Variants in HNRNPR observed in about 807,000 individuals in gnomAD.
HNRNPR encodes the protein heterogeneous nuclear ribonucleoprotein R.
A neutral mutation model predicts 70.3 loss-of-function variants in HNRNPR; 4 were observed. The observed-to-expected ratio is 0.06, with a 90% CI of 0.03 to 0.13. The LOEUF (loss-of-function observed/expected upper bound fraction) is 0.13. HNRNPR is among the 10% of genes least tolerant of loss of function. HNRNPR has a pLI of 1.00. For missense variants in HNRNPR, 423 were observed against 788.5 expected (o/e 0.54, Z 5.55); for synonymous variants, 241 against 267.6 (o/e 0.90, Z 0.97).
intron 5 of HNRNPR, among the ~76,000 whole-genome samples, chr1:23,323,936 G>A (rs1268913077): frequency 6.6e-6 from 1 of 151,872 alleles, no homozygotes; most frequent in Non-Finnish European, 1.5e-5. Context: ...CAAGTCTCTT[G>A]AAAAATGGAA....
At position 23,310,712 on chromosome 1, in the gene HNRNPR, A is replaced by T; in HGVS notation, c.1644T>A (p.Gly548=). 6.2e-7 allele frequency: 1 copy of T among 1,608,376 alleles called. No individual in the cohort carries two copies. ...CACGGCCTCTCTGCTGTTGAGCAGG[A>T]CCCCCTCTGCCACCCCTAGAGCCTC... ...PPRGSRGGRG[G]PAQQQRGRGS... Residue 548 remains glycine, a synonymous_variant, in exon 11 of 11, where the codon GGT becomes GGA. Transcript: ENST00000302271. This position sits in a 1 kb window ranked among gnomAD's most constrained non-coding sequence, Gnocchi z 6.0.
rs915682221 is a variant in HNRNPR at position 23,338,550 on chromosome 1, A to C, written c.216T>G (p.Asn72Lys). Residue 72 changes from asparagine to lysine, a missense_variant, in exon 3 of 11, where the codon AAT becomes AAG. Asn to Lys is a moderately conservative substitution (Grantham distance 94). Coordinates refer to ENST00000302271, the MANE Select transcript of HNRNPR (RefSeq NM_005826.5). ...GTAGTACAGACAGAGCTCCTTCTTC[A>C]TTAAATTCCCTGAGAGCATCAATTG... Reference protein sequence around the residue: ...ERAIDALREFNEEGALSVLQQ... With the variant: ...ERAIDALREFKEEGALSVLQQ... 1 of 1,601,986 alleles carries C rather than the reference A, an allele frequency of 6.2e-7. No individual in the cohort carries two copies. Among genetic ancestry groups the C allele is most frequent in the Non-Finnish European group, 8.5e-7 (1 of 1,174,034 alleles).
rs1210867418 is a variant in HNRNPR at position 23,318,168 on chromosome 1, TAAA to T, written c.1017+312_1017+314del. On this transcript the variant is annotated intron_variant, in intron 8 of 10. Coordinates refer to ENST00000302271, the MANE Select transcript of HNRNPR (RefSeq NM_005826.5). The surrounding 1 kb of genome is among the most constrained non-coding windows in gnomAD (Gnocchi z 4.2). ...TACTTCTCTCTTTACTCAGGACTTT[TAAA>T]AAAAAAAAAAACCTCTATCCCTCAC... is the stretch of plus-strand genomic sequence containing the variant. 7.0e-6 allele frequency among the ~76,000 whole-genome samples: 1 copy of T among 142,334 alleles called. No individual in the cohort carries two copies. Among genetic ancestry groups the T allele is most frequent in the Middle Eastern group, 3.4e-3 (1 of 296 alleles). The allele number at this position is 142,334 out of a possible 152,430, so 93.4% of individuals were successfully genotyped here.
chr1:23,332,261 C>T (rs1004174068), intron 5 of HNRNPR, among the ~76,000 whole-genome samples: 2 of 152,168 alleles, frequency 1.3e-5, no homozygotes, highest in Non-Finnish European at 2.9e-5. Context: ...TATGGACTAA[C>T]ATACTCAATC....
intron 1 of HNRNPR, among the ~76,000 whole-genome samples, chr1:23,343,053 A>G (rs1194809925): frequency 1.3e-5 from 2 of 152,220 alleles, no homozygotes; most frequent in Non-Finnish European, 2.9e-5. Flanking sequence ...GCTCATTTTG[A>G]AAAGACTTTT....
intron 6 of HNRNPR, among the ~76,000 whole-genome samples, chr1:23,322,762 T>C (rs1331800098): frequency 6.6e-6 from 1 of 152,168 alleles, no homozygotes; most frequent in Non-Finnish European, 1.5e-5. Flanking sequence ...AAGTTGACCA[T>C]TCTACAAAGG....
chr1:23,313,672 T>C lies in HNRNPR; in HGVS notation c.1048A>G (p.Thr350Ala), dbSNP rs1159352584. 2.5e-6 allele frequency: 4 copies of C among 1,601,348 alleles called. No individual in the cohort carries two copies. Among genetic ancestry groups the C allele is most frequent in the Non-Finnish European group, 2.5e-6 (3 of 1,176,914 alleles). ...TCCAATATTTCTTCTGTCACCGTAG[T>C]AGCCAAGTTTCTCACAAACAAAACT... is the stretch of plus-strand genomic sequence containing the variant. The part of the protein sequence containing the change: ...VKVLFVRNLA[T>A]TVTEEILEKS... Residue 350 changes from threonine to alanine, a missense_variant, in exon 9 of 11, where the codon ACT becomes GCT. This residue lies in a region of HNRNPR where 46 missense variants were observed against 164.6 expected (regional missense o/e 0.28). Transcript: ENST00000302271.
At chr1:23,327,184 T>C (rs1646021665) in intron 5 of HNRNPR, among the ~76,000 whole-genome samples, 1 of 152,046 alleles carries the variant, frequency 6.6e-6, no homozygotes, top group Non-Finnish European at 1.5e-5. Flanking sequence ...CTGCTTGAAG[T>C]TGCTCCACGT....
intron 5 of HNRNPR, among the ~76,000 whole-genome samples, chr1:23,325,632 A>G (rs1486713050): frequency 6.6e-6 from 1 of 152,114 alleles, no homozygotes; most frequent in South Asian, 2.1e-4. Flanking sequence ...AGAGAAAGAG[A>G]TCTACCTCCT....
chr1:23,325,136 T>A (rs1218306946), intron 5 of HNRNPR, among the ~76,000 whole-genome samples: 1 of 150,756 alleles, frequency 6.6e-6, no homozygotes, highest in African/African-American at 2.4e-5. Flanking sequence ...GGAGACTCCA[T>A]CTCAAAAAAA....
At chr1:23,316,246 A>T (rs1645540687) in intron 8 of HNRNPR, among the ~76,000 whole-genome samples, 1 of 152,226 alleles carries the variant, frequency 6.6e-6, no homozygotes, top group Non-Finnish European at 1.5e-5. Flanking sequence ...TCAAGGCTGC[A>T]GTGTGCTATG....
At chr1:23,323,074 G>GA (rs1414344747) in intron 6 of HNRNPR, among the ~76,000 whole-genome samples, 1 of 152,122 alleles carries the variant, frequency 6.6e-6, no homozygotes, top group Non-Finnish European at 1.5e-5. Context: ...AATACACTTA[G>GA]AAAATATGAA....
chr1:23,323,477 G>C, intron 6 of HNRNPR, 79 bp downstream of exon 6: 1 of 1,319,382 alleles, frequency 7.6e-7, no homozygotes, highest in Non-Finnish European at 1.1e-6. Flanking sequence ...TCAAAATAAT[G>C]TTAACTACAA....
At chr1:23,338,328 T>C in intron 3 of HNRNPR, 162 bp downstream of exon 3, 2 of 431,714 alleles carry the variant, frequency 4.6e-6, no homozygotes, top group South Asian at 5.9e-5. Flanking sequence ...ATACTTGGGC[T>C]TCTGAAACTC....
At position 23,310,257 on chromosome 1, in the gene HNRNPR, A is replaced by G; in HGVS notation, c.*197T>C. 1 of 494,126 alleles carries G rather than the reference A, an allele frequency of 2.0e-6. No homozygotes were observed. 30.6% of individuals were successfully genotyped at this position (494,126 alleles called of 1,614,324 possible). ...AATAAGGGAACTCTGCAAGCCCAAT[A>G]ATGTCCAAGAGCATTTATGAAAAGA... is the stretch of plus-strand genomic sequence containing the variant. On this transcript the variant is annotated 3_prime_UTR_variant, in exon 11 of 11. Coordinates refer to ENST00000302271, the MANE Select transcript of HNRNPR (RefSeq NM_005826.5). The surrounding 1 kb of genome is among the most constrained non-coding windows in gnomAD (Gnocchi z 6.0).
Position 23,304,867 on chromosome 1 carries a change from T to C in HNRNPR, c.*5587A>G, listed in dbSNP as rs1201950399. On this transcript the variant is annotated 3_prime_UTR_variant, in exon 11 of 11. Coordinates refer to ENST00000302271, the MANE Select transcript of HNRNPR (RefSeq NM_005826.5). ...TATGTTACTATATCCATATCAGCAA[T>C]TTATGTTTGCAGGAGCCTTCAGTCC... 1 of 152,204 alleles carries C rather than the reference T, an allele frequency of 6.6e-6. No individual in the cohort carries two copies. The allele number at this position is 152,204 out of a possible 1,614,324, so 9.4% of individuals were successfully genotyped here.
intron 4 of HNRNPR, among the ~76,000 whole-genome samples, chr1:23,336,692 G>GTGAGCTGAGA (rs199578232): frequency 5.4e-4 from 80 of 148,372 alleles, no homozygotes; most frequent in African/African-American, 2.0e-3. Context: ...AGAGGTTGAA[G>GTGAGCTGAGA]TGAGCTGAGA....
rs1229631403 is a variant in HNRNPR, at chr1:23,307,201, G to A, written c.*3253C>T. 1.3e-5 allele frequency: 2 copies of A among 151,970 alleles called. No homozygotes were observed. The highest frequency in any genetic ancestry group is 4.8e-5 in the African/African-American group (2 of 41,412). The allele number at this position is 151,970 out of a possible 1,614,324, so 9.4% of individuals were successfully genotyped here. On this transcript the variant is annotated 3_prime_UTR_variant, in exon 11 of 11. Transcript: ENST00000302271. ...CCTTATAGCAAGTATTTACTGGAAGGGTTTGGTTTTACAAATGCACAATTA... is the reference window on the plus strand; with the variant it reads ...CCTTATAGCAAGTATTTACTGGAAGAGTTTGGTTTTACAAATGCACAATTA...
At position 23,310,546 on chromosome 1, in the gene HNRNPR, G is replaced by A. The variant is rs1645289179; in HGVS notation, c.1810C>T (p.Leu604Phe). 6.2e-7 allele frequency: 1 copy of A among 1,614,060 alleles called. No homozygotes were observed. The highest frequency in any genetic ancestry group is 1.3e-5 in the African/African-American group (1 of 74,936). The change falls in exon 11 of 11, where the codon CTT becomes TTT. Residue 604 changes from leucine to phenylalanine, a missense_variant. Around this residue, in one of 7 missense-constraint regions of HNRNPR, gnomAD observed 39 missense variants for 53.2 expected, o/e 0.73. Coordinates refer to ENST00000302271, the MANE Select transcript of HNRNPR (RefSeq NM_005826.5). This position sits in a 1 kb window ranked among gnomAD's most constrained non-coding sequence, Gnocchi z 6.0. ...CCAGAATAGTCACCACCTTGCTGAAGCGGCTGCTGAGCGATGGGTTGGGAA... is the reference window on the plus strand; with the variant it reads ...CCAGAATAGTCACCACCTTGCTGAAACGGCTGCTGAGCGATGGGTTGGGAA... Reference protein sequence around the residue: ...WGSQPIAQQPLQQGGDYSGNY... With the variant: ...WGSQPIAQQPFQQGGDYSGNY...
Sources: gnomAD v4.1 joint callset for allele counts (sites outside exome capture counted in the v4.1 genomes callset) on GRCh38, gnomAD v4.1.1 for gene constraint, gnomAD v4.1.1 regional missense constraint, Gnocchi (gnomAD v3.1) non-coding constraint, MANE v1.5 for transcripts, NCBI Gene and HGNC (gene_info 2026-07-23, HGNC 2026-07-21) for gene names.